GAB2: variants seen among roughly 807,000 people sequenced by gnomAD.
GAB2 encodes GRB2-associated-binding protein 2.
In GAB2, 26 loss-of-function variants were observed where a neutral mutation model predicts 65.5. The observed-to-expected ratio is 0.40, with a 90% CI of 0.29 to 0.55. GAB2 has a LOEUF of 0.55. Ranked by LOEUF, GAB2 falls within the 20% of genes least tolerant of loss-of-function variation. GAB2 has a pLI of 0.53. For missense variants in GAB2, 884 were observed against 875.8 expected (o/e 1.01, Z -0.12); for synonymous variants, 321 against 329.6 (o/e 0.97, Z 0.28).
At chr11:78,265,950 C>T (rs1865862875) in intron 2 of GAB2, among the ~76,000 whole-genome samples, 1 of 152,074 alleles carries the variant, frequency 6.6e-6, no homozygotes, top group Non-Finnish European at 1.5e-5. Context: ...CATGGTGGCT[C>T]ATGCCTATAA....
At chr11:78,299,250 C>G (rs1272380458) in intron 1 of GAB2, among the ~76,000 whole-genome samples, 1 of 152,166 alleles carries the variant, frequency 6.6e-6, no homozygotes, top group African/African-American at 2.4e-5. Context: ...GAAATGTGAA[C>G]TTATGGGGGA....
chr11:78,342,404 CTT>C (rs143105179), intron 1 of GAB2, among the ~76,000 whole-genome samples: 6 of 109,872 alleles, frequency 5.5e-5, no homozygotes, highest in African/African-American at 1.1e-4. Flanking sequence ...ACACTTTGCA[CTT>C]TTTTTTTTTT....
chr11:78,221,951 G>A (rs1054197058), intron 7 of GAB2, among the ~76,000 whole-genome samples, 154 bp downstream of exon 7: 1 of 152,212 alleles, frequency 6.6e-6, no homozygotes, highest in Non-Finnish European at 1.5e-5. Flanking sequence ...TTTTACAGCT[G>A]AGGAAACCAA....
intron 1 of GAB2, among the ~76,000 whole-genome samples, chr11:78,285,476 G>A (rs1002277098): frequency 1.3e-5 from 2 of 152,044 alleles, no homozygotes; most frequent in African/African-American, 4.8e-5. Flanking sequence ...CCACTTCCAG[G>A]TTTTATTTAT....
At chr11:78,305,859 T>C (rs1041405060) in intron 1 of GAB2, among the ~76,000 whole-genome samples, 2 of 152,200 alleles carry the variant, frequency 1.3e-5, no homozygotes, top group African/African-American at 4.8e-5. Context: ...TGAGGAGCTA[T>C]GGCTTCCTAG....
chr11:78,278,501 C>CAGGA (rs780213322), intron 2 of GAB2, among the ~76,000 whole-genome samples: 7 of 151,614 alleles, frequency 4.6e-5, no homozygotes, highest in Non-Finnish European at 5.9e-5. Flanking sequence ...TCACTTCTGC[C>CAGGA]TCCTGAGTAG....
chr11:78,360,069 A>G lies in GAB2; in HGVS notation c.75+57577T>C, dbSNP rs187097082. 3.7e-4 allele frequency among the ~76,000 whole-genome samples: 56 copies of G among 152,296 alleles called. No individual in the cohort carries two copies. The East Asian group carries it at 0.01, about 28-fold the overall frequency. On this transcript the variant is annotated intron_variant, in intron 1 of 9. Coordinates refer to ENST00000361507, the MANE Select transcript of GAB2 (RefSeq NM_080491.3). ...GAGAGGAGGAAGAGACAGTGTGACC[A>G]TGGGCAGAGATTGGAGTGATGCAAC...
rs1318056997 is a variant in GAB2 at position 78,217,756 on chromosome 11, A to G, written c.*1516T>C. 1.3e-5 allele frequency: 2 copies of G among 152,228 alleles called. No individual in the cohort carries two copies. The highest frequency in any genetic ancestry group is 2.9e-5 in the Non-Finnish European group (2 of 68,116). 9.4% of individuals were successfully genotyped at this position (152,228 alleles called of 1,614,324 possible). A position where few individuals can be genotyped will look rare whatever the true frequency, so the allele number is the denominator to read the frequency against. On this transcript the variant is annotated 3_prime_UTR_variant, in exon 10 of 10. Coordinates refer to ENST00000361507, the MANE Select transcript of GAB2 (RefSeq NM_080491.3). The stretch of plus-strand genomic sequence containing the variant: ...TTTCAAACCTGGGGAGGAGAGTCCA[A>G]GATGGCTCCTGGAATGCTAGGGAGC...
chr11:78,414,903 G>A (rs536501461), intron 1 of GAB2, among the ~76,000 whole-genome samples: 131 of 152,154 alleles, frequency 8.6e-4, no homozygotes, highest in African/African-American at 3.1e-3. Context: ...ATGGAGTCTC[G>A]TTTTGTCACC....
At chr11:78,277,668 G>A (rs114735631) in intron 2 of GAB2, among the ~76,000 whole-genome samples, 433 of 152,328 alleles carry the variant, frequency 2.8e-3, no homozygotes, top group African/African-American at 9.9e-3. Flanking sequence ...CACTGTGCAT[G>A]CAGCCCCTCC....
At chr11:78,342,121 A>G (rs900716786) in intron 1 of GAB2, among the ~76,000 whole-genome samples, 2 of 152,246 alleles carry the variant, frequency 1.3e-5, no homozygotes, top group African/African-American at 4.8e-5. Context: ...GCAAATGCAA[A>G]TAAGTATACT....
At chr11:78,413,366 G>A (rs1170379708) in intron 1 of GAB2, among the ~76,000 whole-genome samples, 3 of 152,194 alleles carry the variant, frequency 2.0e-5, no homozygotes, top group Non-Finnish European at 4.4e-5. Flanking sequence ...AGAGTAGCCA[G>A]AAAAGGAGAA....
intron 3 of GAB2, among the ~76,000 whole-genome samples, chr11:78,228,639 A>C (rs1018849917): frequency 1.3e-5 from 2 of 152,176 alleles, no homozygotes; most frequent in African/African-American, 2.4e-5. Flanking sequence ...GCTTCCTCTC[A>C]TGTAAACTGT....
In GAB2 at chr11:78,216,378, G is replaced by A. The variant is rs535719100; in HGVS notation, c.*2894C>T. 7.0e-6 allele frequency: 1 copy of A among 142,168 alleles called. No homozygotes were observed. The highest frequency in any genetic ancestry group is 1.5e-5 in the Non-Finnish European group (1 of 67,984). The allele number at this position is 142,168 out of a possible 1,614,324, so 8.8% of individuals were successfully genotyped here. A position where few individuals can be genotyped will look rare whatever the true frequency, so the allele number is the denominator to read the frequency against. On this transcript the variant is annotated 3_prime_UTR_variant, in exon 10 of 10. Transcript: ENST00000361507. ...CCAGGAGAGGTGGACTTTGACCCATGGATAGGCCAAAGGACCAGTTTTTTC... is the reference window on the plus strand; with the variant it reads ...CCAGGAGAGGTGGACTTTGACCCATAGATAGGCCAAAGGACCAGTTTTTTC...
intron 1 of GAB2, among the ~76,000 whole-genome samples, chr11:78,364,900 A>T (rs1479464078): frequency 2.6e-5 from 4 of 151,836 alleles, no homozygotes; most frequent in East Asian, 1.9e-4. Context: ...CCTTTTTAAA[A>T]ATATATATAT....
chr11:78,318,657 A>AG (rs1357930787), intron 1 of GAB2, among the ~76,000 whole-genome samples: 1 of 152,158 alleles, frequency 6.6e-6, no homozygotes, highest in Admixed American at 6.5e-5. Flanking sequence ...AAACTCCAGA[A>AG]GGTTGGCTCT....
intron 2 of GAB2, among the ~76,000 whole-genome samples, chr11:78,268,447 A>C (rs564943247): frequency 1.3e-5 from 2 of 152,304 alleles, no homozygotes; most frequent in East Asian, 3.9e-4. Context: ...CTAAATACAA[A>C]GTTCTAATTC....
chr11:78,283,535 C>CTATATA (rs1590997596), intron 1 of GAB2, among the ~76,000 whole-genome samples: 2 of 152,132 alleles, frequency 1.3e-5, no homozygotes, highest in Admixed American at 1.3e-4. Flanking sequence ...TTATATACTA[C>CTATATA]TAATCTTTGT....
At chr11:78,307,579 G>A (rs1019263608) in intron 1 of GAB2, among the ~76,000 whole-genome samples, 9 of 120,936 alleles carry the variant, frequency 7.4e-5, no homozygotes, top group Admixed American at 3.4e-4. Flanking sequence ...GAAAGATGGT[G>A]AGATCCCATC....
Sources: allele counts gnomAD v4.1 joint callset (sites outside exome capture counted in the v4.1 genomes callset), GRCh38; gene constraint gnomAD v4.1.1; transcripts MANE v1.5; gene names NCBI Gene and HGNC (gene_info 2026-07-23, HGNC 2026-07-21).